SEC13: variants seen among roughly 807,000 people sequenced by gnomAD.
The protein encoded by SEC13 is SEC13 homolog, nuclear pore and COPII component.
SEC13 carries 25 observed loss-of-function variants against 49.2 expected under a neutral mutation model. The observed-to-expected ratio is 0.51, with a 90% confidence interval of 0.37 to 0.71. The LOEUF is 0.71. SEC13 is among the 30% of genes least tolerant of loss of function. SEC13 has a pLI of 0.00. For synonymous variants in SEC13, 148 were observed against 163.9 expected (o/e 0.90, Z 0.74); for missense variants, 383 against 417.6 (o/e 0.92, Z 0.72).
At chr3:10,310,841 A>G (rs1180436135) in intron 5 of SEC13, among the ~76,000 whole-genome samples, 1 of 152,152 alleles carries the variant, frequency 6.6e-6, no homozygotes, top group Non-Finnish European at 1.5e-5. Flanking sequence ...GGATAAACAA[A>G]ATGTCTATAT....
intron 1 of SEC13, among the ~76,000 whole-genome samples, chr3:10,320,159 A>C (rs537421870): frequency 6.6e-6 from 1 of 152,312 alleles, no homozygotes; most frequent in East Asian, 1.9e-4. Context: ...TGAATGTCAG[A>C]GCATAAAAGC....
intron 1 of SEC13, chr3:10,320,534 T>C (rs2059757844): frequency 6.1e-6 from 6 of 985,794 alleles, no homozygotes; most frequent in Non-Finnish European, 7.2e-6. Flanking sequence ...CGAGCAACAG[T>C]TCAATCATCT....
intron 5 of SEC13, among the ~76,000 whole-genome samples, chr3:10,307,829 A>G (rs748114354): frequency 2.4e-4 from 36 of 152,084 alleles, no homozygotes; most frequent in Non-Finnish European, 3.8e-4. Context: ...TCAGCCTCCC[A>G]AAGTGCTGGG....
intron 6 of SEC13, 145 bp downstream of exon 6, chr3:10,305,414 C>G: frequency 8.7e-7 from 1 of 1,147,122 alleles, no homozygotes; most frequent in Non-Finnish European, 1.3e-6. Flanking sequence ...TCAAGGATGT[C>G]CTCCAACAGA....
At chr3:10,309,129 G>C (rs1409977699) in intron 5 of SEC13, among the ~76,000 whole-genome samples, 3 of 151,622 alleles carry the variant, frequency 2.0e-5, no homozygotes, top group Non-Finnish European at 4.4e-5. Context: ...GTAGAGACGG[G>C]GTTTCGCCAT....
intron 2 of SEC13, among the ~76,000 whole-genome samples, chr3:10,316,149 T>C (rs1249464814): frequency 6.6e-6 from 1 of 152,120 alleles, no homozygotes; most frequent in Non-Finnish European, 1.5e-5. Context: ...GAACTAGGCC[T>C]GGCCCCTACC....
intron 8 of SEC13, among the ~76,000 whole-genome samples, chr3:10,302,784 G>C (rs543328773): frequency 6.6e-6 from 1 of 152,370 alleles, no homozygotes; most frequent in South Asian, 2.1e-4. Context: ...CAGCAGCCCA[G>C]GTGCCCTTTG....
At chr3:10,319,996 G>C in intron 1 of SEC13, among the ~76,000 whole-genome samples, 1 of 103,910 alleles carries the variant, frequency 9.6e-6, no homozygotes, top group South Asian at 4.7e-4. Context: ...TGGGGAGAGA[G>C]GGAGGGTGGG....
At chr3:10,311,010 A>C (rs1701217397) in intron 5 of SEC13, among the ~76,000 whole-genome samples, 1 of 150,050 alleles carries the variant, frequency 6.7e-6, no homozygotes, top group African/African-American at 2.4e-5. Flanking sequence ...ATTTCATTTC[A>C]TTATAATGCT....
chr3:10,305,975 T>G, intron 5 of SEC13: 1 of 274,572 alleles, frequency 3.6e-6, no homozygotes, highest in Non-Finnish European at 6.8e-6. Context: ...CATTGGAGCT[T>G]TTTTTTAAGA....
chr3:10,309,647 G>A (rs1574875891), intron 5 of SEC13, among the ~76,000 whole-genome samples: 1 of 152,292 alleles, frequency 6.6e-6, no homozygotes, highest in South Asian at 2.1e-4. Context: ...GGCTTGATTT[G>A]AAATAGCAGG....
intron 5 of SEC13, chr3:10,311,699 G>C: frequency 7.4e-7 from 1 of 1,345,208 alleles, no homozygotes; most frequent in Non-Finnish European, 9.6e-7. Flanking sequence ...GGCAACCATA[G>C]CTAAGGTGGC....
intron 1 of SEC13, chr3:10,319,333 G>T: frequency 6.5e-7 from 1 of 1,543,178 alleles, no homozygotes; most frequent in South Asian, 1.3e-5. Flanking sequence ...AGGCAAGTAA[G>T]GACAATAAGG....
chr3:10,303,061 GGTACA>G (rs775297417), intron 8 of SEC13, among the ~76,000 whole-genome samples: 55 of 152,336 alleles, frequency 3.6e-4, no homozygotes, highest in Middle Eastern at 3.4e-3. Context: ...TTATTTAATG[GGTACA>G]GAGTTTCAAT....
chr3:10,301,305 A>G lies in SEC13; in HGVS notation c.925T>C (p.Ser309Pro), dbSNP rs1468341199. ...CCCTCTGTCACTGATGCTGATACGG[A>G]GCCCTGGCCCTTGTTGACATCACTG... ...CISDVNKGQGSVSASVTEGQQ... is the reference protein window; with the variant it reads ...CISDVNKGQGPVSASVTEGQQ... The change falls in exon 9 of 9, where the codon TCC (serine) becomes CCC (proline). Residue 309 changes from serine (S) to proline (P), a missense_variant. Transcript: ENST00000350697. 1.9e-6 allele frequency: 3 copies of G among 1,614,118 alleles called. No homozygotes were observed. Among genetic ancestry groups the G allele is most frequent in the Middle Eastern group, 1.6e-4 (1 of 6,062 alleles).
rs1430131904 is a variant in SEC13, at chr3:10,316,397, C to T, written c.49-961G>A. 4.6e-5 allele frequency among the ~76,000 whole-genome samples: 7 copies of T among 152,156 alleles called. No homozygotes were observed. The East Asian group carries it at 7.7e-4, about 17-fold the overall frequency. The stretch of plus-strand genomic sequence containing the variant: ...TCAGATGGGAATTCTCACCTCCCTA[C>T]GCAAGGAACACATCCTGATTTTTCT... On this transcript the variant is annotated intron_variant, in intron 2 of 8. Coordinates refer to ENST00000350697, the MANE Select transcript of SEC13 (RefSeq NM_183352.3).
intron 8 of SEC13, chr3:10,303,409 T>A (rs1055970261): frequency 6.5e-6 from 1 of 153,996 alleles, no homozygotes; most frequent in African/African-American, 2.4e-5. Flanking sequence ...GCGGGTAGCT[T>A]TTTTCCTTCT....
rs756426829 is a variant in SEC13, at chr3:10,301,263, ACTGCTCGTT to A, written c.958_966del (p.Asn320_Gln322del). The A allele has an allele frequency of 3.1e-6, 5 of 1,613,940 alleles. No homozygotes were observed. Among genetic ancestry groups the A allele is most frequent in the African/African-American group, 2.7e-5 (2 of 74,900 alleles). On this transcript the variant is annotated inframe_deletion, in exon 9 of 9. Coordinates refer to ENST00000350697, the MANE Select transcript of SEC13 (RefSeq NM_183352.3). ...GGAGCCAGGCCCCACCTGTCTTGTC[ACTGCTCGTT>A]CTGCTGGCCCTCTGTCACTGATGCT...
At chr3:10,301,620 CTG>C (rs542949065) in intron 8 of SEC13, among the ~76,000 whole-genome samples, 207 of 152,324 alleles carry the variant, frequency 1.4e-3, no homozygotes, top group African/African-American at 4.7e-3. Context: ...TTTCAGCAAA[CTG>C]TGACAGAGCT....
Sources: allele counts gnomAD v4.1 joint callset (sites outside exome capture counted in the v4.1 genomes callset), GRCh38; gene constraint gnomAD v4.1.1; transcripts MANE v1.5; gene names NCBI Gene and HGNC (gene_info 2026-07-23, HGNC 2026-07-21).